The following PPP1R13B variants were observed in gnomAD, a reference collection of about 807,000 sequenced individuals.
The protein encoded by PPP1R13B is protein phosphatase 1 regulatory subunit 13B, also known as apoptosis-stimulating of p53 protein 1.
A neutral mutation model predicts 119.8 loss-of-function variants in PPP1R13B; 44 were observed. The observed-to-expected ratio is 0.37, with a 90% CI of 0.29 to 0.47. The LOEUF (loss-of-function observed/expected upper bound fraction) is 0.47. PPP1R13B is among the 20% of genes least tolerant of loss of function. The pLI, the probability that PPP1R13B is intolerant of heterozygous loss-of-function variation, is 0.99. For missense variants in PPP1R13B, 1,227 were observed against 1,413.5 expected, an observed-to-expected ratio of 0.87 and a Z score of 2.12; for synonymous variants, 542 against 561.5, an observed-to-expected ratio of 0.97 and a Z score of 0.49.
chr14:103,839,463 A>G (rs1236613334), intron 1 of PPP1R13B, among the ~76,000 whole-genome samples: 2 of 151,856 alleles, frequency 1.3e-5, no homozygotes, highest in African/African-American at 2.4e-5. Context: ...CCCCATCTCC[A>G]CTAAAAATAC....
At chr14:103,830,855 G>T (rs2086650278) in intron 1 of PPP1R13B, among the ~76,000 whole-genome samples, 1 of 151,546 alleles carries the variant, frequency 6.6e-6, no homozygotes, top group Non-Finnish European at 1.5e-5. Context: ...CGTAAAATAT[G>T]TTCTAAAATT....
intron 4 of PPP1R13B, chr14:103,764,324 G>A (rs1247032878): frequency 5.3e-6 from 1 of 188,002 alleles, no homozygotes; most frequent in Admixed American, 6.3e-5. Flanking sequence ...GTCTCACTGT[G>A]GTTTCAATTT....
chr14:103,827,500 TCTC>T (rs1418011092), intron 1 of PPP1R13B, among the ~76,000 whole-genome samples: 3 of 151,714 alleles, frequency 2.0e-5, no homozygotes, highest in South Asian at 2.1e-4. Flanking sequence ...GCACCAGACT[TCTC>T]CTCTGAATAT....
intron 1 of PPP1R13B, chr14:103,804,051 T>A: frequency 1.0e-6 from 1 of 984,866 alleles, no homozygotes; most frequent in Non-Finnish European, 1.2e-6. Context: ...ACTCATTACC[T>A]GGTCTTGAAA....
At chr14:103,848,097 C>T (rs2087115231), upstream of PPP1R13B, among the ~76,000 whole-genome samples, 3 of 151,996 alleles carry the variant, frequency 2.0e-5, no homozygotes, top group Admixed American at 2.0e-4. Context: ...GACCCGAGGC[C>T]GCGCGCTCGG....
intron 4 of PPP1R13B, 111 bp from the exon 5 acceptor site, chr14:103,757,862 A>G: frequency 1.3e-6 from 1 of 770,444 alleles, no homozygotes; most frequent in Non-Finnish European, 2.1e-6. Context: ...AGTAGTGAGG[A>G]GAGTACCAAC....
At chr14:103,785,279 G>A (rs1389152012) in intron 2 of PPP1R13B, among the ~76,000 whole-genome samples, 1 of 152,164 alleles carries the variant, frequency 6.6e-6, no homozygotes. Context: ...GAGTGCAGTG[G>A]CACCATCTTG....
Position 103,734,252 on chromosome 14 carries a change from G to A in PPP1R13B, c.*902C>T, listed in dbSNP as rs1166203231. 7 of 288,684 alleles carry A rather than the reference G, an allele frequency of 2.4e-5. No individual in the cohort carries two copies. The highest frequency in any genetic ancestry group is 3.3e-5 in the South Asian group (1 of 29,918). The allele number at this position is 288,684 out of a possible 1,614,324, so 17.9% of individuals were successfully genotyped here. On this transcript the variant is annotated 3_prime_UTR_variant, in exon 17 of 17. Coordinates refer to ENST00000202556, the MANE Select transcript of PPP1R13B (RefSeq NM_015316.3). ...GTGGCGGCCCCTCCTGACACCAGGC[G>A]TCTGCCATCCTTCAGGCACCAAACA...
upstream of PPP1R13B, chr14:103,848,623 A>C (rs549695258): frequency 2.3e-5 from 11 of 477,560 alleles, no homozygotes; most frequent in South Asian, 9.7e-4. Context: ...CCGCCCTGGG[A>C]AGCGCCGGCC....
intron 1 of PPP1R13B, among the ~76,000 whole-genome samples, chr14:103,845,986 A>G (rs1278396267): frequency 6.6e-6 from 1 of 152,190 alleles, no homozygotes; most frequent in Non-Finnish European, 1.5e-5. Context: ...ATATTGGTAC[A>G]TTTTTATCCC....
chr14:103,811,001 G>A (rs929975919), intron 1 of PPP1R13B, among the ~76,000 whole-genome samples: 2 of 145,068 alleles, frequency 1.4e-5, no homozygotes, highest in Admixed American at 7.2e-5. Flanking sequence ...GCTGAAGCAG[G>A]AGAATTGCTT....
At chr14:103,780,935 T>C (rs2085323254) in intron 3 of PPP1R13B, among the ~76,000 whole-genome samples, 1 of 152,074 alleles carries the variant, frequency 6.6e-6, no homozygotes, top group Admixed American at 6.6e-5. Context: ...GCCACCCTTT[T>C]AGGCAAAGGT....
At chr14:103,832,697 G>A (rs2086687390) in intron 1 of PPP1R13B, among the ~76,000 whole-genome samples, 1 of 152,200 alleles carries the variant, frequency 6.6e-6, no homozygotes, top group Non-Finnish European at 1.5e-5. Context: ...GGTGGCCCAT[G>A]CCTATAATCC....
intron 9 of PPP1R13B, among the ~76,000 whole-genome samples, chr14:103,745,508 T>A (rs2084363578): frequency 6.6e-6 from 1 of 152,232 alleles, no homozygotes. Flanking sequence ...CCAACACTTT[T>A]AATGCACTGG....
chr14:103,764,404 TGATGA>T, intron 4 of PPP1R13B: 1 of 290,322 alleles, frequency 3.4e-6, no homozygotes, highest in South Asian at 2.7e-5. Flanking sequence ...CTCTCTTCTT[TGATGA>T]GATGTCTATT....
rs34596421 is a variant in PPP1R13B, at chr14:103,842,301, C to CTTT, written c.9+4995_9+4997dup. On this transcript the variant is annotated intron_variant, in intron 1 of 16. Transcript: ENST00000202556. ...CCAAACACCACCACCAGAGTGCCTT[C>CTTT]TTTTTTTTTTTTTTTTTTTGAGATG... 6.9e-3 allele frequency among the ~76,000 whole-genome samples: 810 copies of CTTT among 117,930 alleles called. 21 individuals are homozygous for CTTT. The highest frequency in any genetic ancestry group is 0.02 in the African/African-American group (623 of 30,408). 77.4% of individuals were successfully genotyped at this position (117,930 alleles called of 152,430 possible).
intron 3 of PPP1R13B, among the ~76,000 whole-genome samples, chr14:103,783,573 G>A (rs557047500): frequency 6.1e-5 from 9 of 148,400 alleles, no homozygotes; most frequent in Admixed American, 4.7e-4. Context: ...TTTGAGACAG[G>A]GTCTCTCTCT....
chr14:103,832,374 C>T (rs1397763941), intron 1 of PPP1R13B, among the ~76,000 whole-genome samples: 1 of 152,194 alleles, frequency 6.6e-6, no homozygotes. Flanking sequence ...AGACCACACT[C>T]TCCAGCCAGT....
intron 9 of PPP1R13B, among the ~76,000 whole-genome samples, chr14:103,743,332 G>A (rs976302857): frequency 6.6e-6 from 1 of 152,214 alleles, no homozygotes; most frequent in Non-Finnish European, 1.5e-5. Context: ...ATGATCACAG[G>A]AGGCCCGTGC....
Sources: allele counts gnomAD v4.1 joint callset (sites outside exome capture counted in the v4.1 genomes callset), GRCh38; gene constraint gnomAD v4.1.1; transcripts MANE v1.5; gene names NCBI Gene and HGNC (gene_info 2026-07-23, HGNC 2026-07-21).